WDFY4: variants seen among roughly 807,000 people sequenced by gnomAD.
WDFY4 encodes WDFY family member 4, also known as WD repeat- and FYVE domain-containing protein 4.
In WDFY4, 169 loss-of-function variants were observed where a neutral mutation model predicts 351.9. The ratio of observed to expected loss-of-function variants is 0.48; its 90% CI spans 0.42 to 0.55. WDFY4 has a LOEUF of 0.55. Ranked by LOEUF, WDFY4 falls within the 20% of genes least tolerant of loss-of-function variation. WDFY4 has a pLI of 0.00. For synonymous variants in WDFY4, 1,622 were observed against 1,574.6 expected (o/e 1.03, Z -0.71); for missense variants, 3,803 against 3,935.6 (o/e 0.97, Z 0.90).
Position 48,776,848 on chromosome 10 carries a change from G to T in WDFY4, c.2962G>T (p.Glu988Ter). The stretch of plus-strand genomic sequence containing the variant: ...CACACAGGCCCCGCAGCCCTTGGGG[G>T]AATCCCAGGATTCAACTACTGCTCT... The part of the protein sequence containing the change: ...GVTQAPQPLG[E>*]SQDSTTALQT... Residue 988 changes from glutamate to a stop codon, truncating the protein, a stop_gained, in exon 16 of 62, where the codon GAA (glutamate) becomes TAA (stop). Transcript: ENST00000325239. LOFTEE classifies it high-confidence loss of function. The T allele has an allele frequency of 6.4e-7, 1 of 1,551,754 alleles. No individual in the cohort carries two copies. Among genetic ancestry groups the T allele is most frequent in the Non-Finnish European group, 8.7e-7 (1 of 1,147,006 alleles).
chr10:48,879,157 T>C (rs1228753401), intron 43 of WDFY4, among the ~76,000 whole-genome samples: 1 of 152,210 alleles, frequency 6.6e-6, no homozygotes, highest in Non-Finnish European at 1.5e-5. Flanking sequence ...ATGCTTTCTT[T>C]CCTTAAAAAC....
At chr10:48,940,758 G>A (rs1024822715) in intron 47 of WDFY4, among the ~76,000 whole-genome samples, 6 of 152,226 alleles carry the variant, frequency 3.9e-5, no homozygotes, top group African/African-American at 1.4e-4. Flanking sequence ...AGGAGCAAAG[G>A]GGCACCTTGG....
At position 48,719,918 on chromosome 10, in the gene WDFY4, C is replaced by T; in HGVS notation, c.235-93C>T. The T allele has an allele frequency of 2.6e-6, 3 of 1,159,764 alleles. No individual in the cohort carries two copies. The Admixed American group carries it at 6.3e-5, about 24-fold the overall frequency. The allele number at this position is 1,159,764 out of a possible 1,614,324, so 71.8% of individuals were successfully genotyped here. Reference sequence around the variant, plus strand: ...CACCTGGGAAAGGAAGTCGAGCTGTCAGCTTGGGCTGGTGAAGGGTGGCAT... The same window carrying T: ...CACCTGGGAAAGGAAGTCGAGCTGTTAGCTTGGGCTGGTGAAGGGTGGCAT... On this transcript the variant is annotated intron_variant, in intron 2 of 61. Coordinates refer to ENST00000325239, the MANE Select transcript of WDFY4 (RefSeq NM_001394531.1).
intron 47 of WDFY4, among the ~76,000 whole-genome samples, chr10:48,902,226 A>G (rs985155282): frequency 4.6e-5 from 7 of 152,170 alleles, no homozygotes; most frequent in African/African-American, 7.2e-5. Flanking sequence ...CCCTCCTGTG[A>G]TGAGGGTTTC....
chr10:48,804,901 C>T (rs926238734), intron 25 of WDFY4: 29 of 503,408 alleles, frequency 5.8e-5, no homozygotes, highest in African/African-American at 5.7e-4. Context: ...GGGCCCTGCA[C>T]TCCTGGCTGG....
intron 21 of WDFY4, 61 bp from the exon 22 acceptor site, chr10:48,789,813 G>T: frequency 3.3e-6 from 5 of 1,510,802 alleles, no homozygotes; most frequent in Non-Finnish European, 4.5e-6. Context: ...CCAGGAGCTC[G>T]TGGACAATGC....
At chr10:48,878,835 G>A (rs2070133089) in intron 43 of WDFY4, among the ~76,000 whole-genome samples, 1 of 152,238 alleles carries the variant, frequency 6.6e-6, no homozygotes. Context: ...CTCCATACAG[G>A]AGGAAACCCT....
At chr10:48,869,312 C>T (rs2069671229) in intron 40 of WDFY4, among the ~76,000 whole-genome samples, 1 of 152,170 alleles carries the variant, frequency 6.6e-6, no homozygotes, top group Non-Finnish European at 1.5e-5. Context: ...ATGAGGCCCT[C>T]CTAAGAAGGG....
chr10:48,900,200 A>G, intron 45 of WDFY4, 21 bp from the exon 46 acceptor site: 1 of 1,547,740 alleles, frequency 6.5e-7, no homozygotes, highest in South Asian at 1.2e-5. Context: ...CAGGAGCATT[A>G]AAAGGGGCTT....
intron 44 of WDFY4, among the ~76,000 whole-genome samples, chr10:48,893,188 T>C (rs986671660): frequency 6.6e-6 from 1 of 152,252 alleles, no homozygotes; most frequent in Non-Finnish European, 1.5e-5. Flanking sequence ...CTTGTCCCTG[T>C]ATCTTCACAT....
In WDFY4 at chr10:48,720,317, G is replaced by A. The variant is rs575533226; in HGVS notation, c.349+192G>A. Among the ~76,000 whole-genome samples, 15 of 152,208 alleles carry A rather than the reference G, an allele frequency of 9.9e-5. No homozygotes were observed. In the South Asian group the frequency reaches 2.1e-3, roughly 21 times the overall value. ...ATGCAGGAGGAGGGAAGAGGGGTCG[G>A]GGAGCCCTGCTGTTCCTGGGACACA... On this transcript the variant is annotated intron_variant, in intron 3 of 61. Transcript: ENST00000325239.
At chr10:48,857,856 A>G (rs1440721032) in intron 39 of WDFY4, among the ~76,000 whole-genome samples, 1 of 151,654 alleles carries the variant, frequency 6.6e-6, no homozygotes, top group Non-Finnish European at 1.5e-5. Flanking sequence ...GCAACGGTGC[A>G]GTCTCGGCTC....
intron 23 of WDFY4, among the ~76,000 whole-genome samples, chr10:48,793,683 G>T (rs1462309637): frequency 2.0e-5 from 3 of 152,152 alleles, no homozygotes; most frequent in Non-Finnish European, 4.4e-5. Flanking sequence ...CGTGTGTCCG[G>T]CTTGTTTATT....
intron 47 of WDFY4, among the ~76,000 whole-genome samples, chr10:48,933,901 A>G (rs1840187924): frequency 1.3e-5 from 2 of 152,116 alleles, no homozygotes; most frequent in Admixed American, 6.5e-5. Context: ...ATACTGGGTA[A>G]CAGTGAGAGA....
chr10:48,862,772 T>G (rs1414580731), intron 39 of WDFY4, among the ~76,000 whole-genome samples: 1 of 152,188 alleles, frequency 6.6e-6, no homozygotes, highest in Non-Finnish European at 1.5e-5. Flanking sequence ...GAACTGCTGG[T>G]TTATAGTATA....
Position 48,710,003 on chromosome 10 carries a change from G to A in WDFY4, c.234+37G>A, listed in dbSNP as rs1437372543. 5 of 1,510,604 alleles carry A rather than the reference G, an allele frequency of 3.3e-6. 1 individual carries two copies. In the South Asian group the frequency reaches 5.0e-5, roughly 15 times the overall value. The allele number at this position is 1,510,604 out of a possible 1,614,324, so 93.6% of individuals were successfully genotyped here. On this transcript the variant is annotated intron_variant, in intron 2 of 61. Transcript: ENST00000325239. ...TATTTTTGAAACTGTAAGGTGATAG[G>A]CGCTCTGGGACACTTCTGGGATGAT...
At chr10:48,910,017 C>T (rs1837856821) in intron 47 of WDFY4, 1 of 555,438 alleles carries the variant, frequency 1.8e-6, no homozygotes, top group Non-Finnish European at 3.2e-6. Context: ...TTAAAAACCA[C>T]ATCAAATATT....
intron 59 of WDFY4, 73 bp downstream of exon 59, chr10:48,977,052 AG>A (rs1842598758): frequency 7.7e-7 from 1 of 1,300,334 alleles, no homozygotes; most frequent in Non-Finnish European, 9.9e-7. Flanking sequence ...CACTTCCTCC[AG>A]GGGGCCAAAC....
At chr10:48,910,753 A>G (rs903656863) in intron 47 of WDFY4, 1 of 178,302 alleles carries the variant, frequency 5.6e-6, no homozygotes, top group African/African-American at 2.4e-5. Context: ...AAAGCCCCAG[A>G]GCAAGGCTGG....
Sources: gnomAD v4.1 joint callset for allele counts (sites outside exome capture counted in the v4.1 genomes callset) on GRCh38, gnomAD v4.1.1 for gene constraint, MANE v1.5 for transcripts, NCBI Gene and HGNC (gene_info 2026-07-23, HGNC 2026-07-21) for gene names.